The following SYT1 variants were observed in gnomAD, a reference collection of about 807,000 sequenced individuals.
SYT1 encodes the protein synaptotagmin 1.
Under a neutral mutation model 44.8 loss-of-function variants are expected in SYT1, and 8 were observed. That is an observed-to-expected ratio of 0.18 (90% CI 0.10 to 0.32). SYT1 has a LOEUF of 0.32. Ranked by LOEUF, SYT1 falls within the 10% of genes least tolerant of loss-of-function variation. SYT1 has a pLI of 1.00. For synonymous variants in SYT1, 154 were observed against 188.8 expected, an observed-to-expected ratio of 0.82 and a Z score of 1.51; for missense variants, 286 against 509.3, an observed-to-expected ratio of 0.56 and a Z score of 4.22.
chr12:79,235,336 C>G (rs1237958678), intron 4 of SYT1, among the ~76,000 whole-genome samples: 1 of 151,976 alleles, frequency 6.6e-6, no homozygotes, highest in African/African-American at 2.4e-5. Flanking sequence ...TTTTAATGTG[C>G]AATTCCCTGG....
intron 8 of SYT1, among the ~76,000 whole-genome samples, chr12:79,346,567 G>T (rs1182994398): frequency 6.6e-6 from 1 of 152,170 alleles, no homozygotes; most frequent in African/African-American, 2.4e-5. Flanking sequence ...CTCATGTGTT[G>T]GCTGCAACCC....
At chr12:79,097,585 A>C (rs1270044658) in intron 3 of SYT1, among the ~76,000 whole-genome samples, 1 of 151,978 alleles carries the variant, frequency 6.6e-6, no homozygotes, top group South Asian at 2.1e-4. Flanking sequence ...ATACTGTGTA[A>C]TCTTTGAAAG....
chr12:79,169,065 A>G (rs1871367089), intron 3 of SYT1, among the ~76,000 whole-genome samples: 1 of 152,078 alleles, frequency 6.6e-6, no homozygotes, highest in Non-Finnish European at 1.5e-5. Flanking sequence ...GTCCCATTGA[A>G]ATTATGGATG....
chr12:79,139,675 C>T (rs1402191872), intron 3 of SYT1, among the ~76,000 whole-genome samples: 1 of 152,178 alleles, frequency 6.6e-6, no homozygotes, highest in Non-Finnish European at 1.5e-5. Flanking sequence ...TACGCTTCTA[C>T]TAAAACCAAA....
chr12:78,905,982 G>C (rs1391695529), intron 1 of SYT1, among the ~76,000 whole-genome samples: 1 of 151,886 alleles, frequency 6.6e-6, no homozygotes, highest in Non-Finnish European at 1.5e-5. Flanking sequence ...AATTATATTT[G>C]TAATTTAGAA....
chr12:78,894,029 C>G (rs749827865), intron 1 of SYT1, among the ~76,000 whole-genome samples: 2 of 151,424 alleles, frequency 1.3e-5, no homozygotes, highest in African/African-American at 2.4e-5. Flanking sequence ...GCACTGTGTT[C>G]TTTCTACCTA....
At chr12:79,139,068 A>C (rs1869386392) in intron 3 of SYT1, among the ~76,000 whole-genome samples, 2 of 152,222 alleles carry the variant, frequency 1.3e-5, no homozygotes, top group Non-Finnish European at 2.9e-5. Context: ...TGCTTTCACC[A>C]GCGTTGCCTA....
intron 9 of SYT1, among the ~76,000 whole-genome samples, chr12:79,361,944 T>G (rs1423025387): frequency 1.3e-5 from 2 of 152,148 alleles, no homozygotes; most frequent in African/African-American, 4.8e-5. Context: ...GATGTAGGAG[T>G]ACAAAAGCTT....
At chr12:79,109,545 A>C (rs1281613170) in intron 3 of SYT1, among the ~76,000 whole-genome samples, 2 of 152,188 alleles carry the variant, frequency 1.3e-5, no homozygotes, top group Non-Finnish European at 2.9e-5. Flanking sequence ...TATAAAATGG[A>C]AATAATAATA....
intron 1 of SYT1, among the ~76,000 whole-genome samples, chr12:78,917,093 T>A (rs149785696): frequency 1.3e-5 from 2 of 151,714 alleles, no homozygotes; most frequent in Non-Finnish European, 2.9e-5. Context: ...TGCAGAGCTA[T>A]TTTTTTTATA....
intron 4 of SYT1, among the ~76,000 whole-genome samples, chr12:79,220,898 A>G (rs1875120096): frequency 1.3e-5 from 2 of 152,162 alleles, no homozygotes; most frequent in Admixed American, 1.3e-4. Context: ...AAGAATGTGT[A>G]TTCTGTAGCT....
chr12:79,292,654 G>C (rs182940662), intron 6 of SYT1, among the ~76,000 whole-genome samples: 1 of 152,264 alleles, frequency 6.6e-6, no homozygotes, highest in East Asian at 1.9e-4. Context: ...AACTCCTAGT[G>C]CTAATGAGAC....
chr12:79,309,911 T>A (rs532517659), intron 8 of SYT1, among the ~76,000 whole-genome samples: 1 of 152,160 alleles, frequency 6.6e-6, no homozygotes, highest in Non-Finnish European at 1.5e-5. Flanking sequence ...AGATTCTGGA[T>A]ATTAGCCCTT....
intron 6 of SYT1, 59 bp from the exon 7 acceptor site, chr12:79,296,010 G>T: frequency 6.6e-7 from 1 of 1,525,968 alleles, no homozygotes; most frequent in South Asian, 1.3e-5. Context: ...TGAACAAATC[G>T]ATCTTTTCCA....
At chr12:79,429,532 T>C (rs149415968) in intron 9 of SYT1, among the ~76,000 whole-genome samples, 1 of 152,044 alleles carries the variant, frequency 6.6e-6, no homozygotes, top group Non-Finnish European at 1.5e-5. Flanking sequence ...TTTTGTTTGT[T>C]TGTTTTTGTT....
chr12:79,362,512 C>T (rs1252813004), intron 9 of SYT1, among the ~76,000 whole-genome samples: 2 of 152,032 alleles, frequency 1.3e-5, no homozygotes, highest in Admixed American at 6.6e-5. Flanking sequence ...AATTCCAGAG[C>T]TCATTCATGT....
intron 3 of SYT1, among the ~76,000 whole-genome samples, chr12:79,172,267 A>G (rs951904899): frequency 9.2e-5 from 14 of 151,912 alleles, no homozygotes; most frequent in African/African-American, 3.1e-4. Context: ...ACATTGAATA[A>G]CCTAACTTTA....
At chr12:79,416,352 C>A (rs1057086180) in intron 9 of SYT1, among the ~76,000 whole-genome samples, 1 of 152,118 alleles carries the variant, frequency 6.6e-6, no homozygotes, top group Admixed American at 6.6e-5. Flanking sequence ...ACGGCAAAAA[C>A]AAAAAGTTGA....
intron 1 of SYT1, among the ~76,000 whole-genome samples, chr12:78,904,407 A>G (rs2137107289): frequency 6.6e-6 from 1 of 152,292 alleles, no homozygotes; most frequent in Admixed American, 6.5e-5. Context: ...TTCAATGAGC[A>G]CCTACTCTGG....
Sources: allele counts gnomAD v4.1 joint callset (sites outside exome capture counted in the v4.1 genomes callset), GRCh38; gene constraint gnomAD v4.1.1; transcripts MANE v1.5; gene names NCBI Gene and HGNC (gene_info 2026-07-23, HGNC 2026-07-21).